SEMA5A: variants seen among roughly 807,000 people sequenced by gnomAD.
The protein encoded by SEMA5A is semaphorin 5A, also known as semaphorin-5A.
Under a neutral mutation model 135.5 loss-of-function variants are expected in SEMA5A, and 55 were observed. That is an observed-to-expected ratio of 0.41 (90% CI 0.33 to 0.51). The LOEUF (loss-of-function observed/expected upper bound fraction) is 0.51. Ranked by LOEUF, SEMA5A falls within the 20% of genes least tolerant of loss-of-function variation. The pLI, the probability that SEMA5A is intolerant of heterozygous loss-of-function variation, is 0.37. For missense variants in SEMA5A, 1,290 were observed against 1,419.9 expected, an observed-to-expected ratio of 0.91 and a Z score of 1.47; for synonymous variants, 580 against 546.5, an observed-to-expected ratio of 1.06 and a Z score of -0.85.
At chr5:9,344,096 A>G (rs1753761480) in intron 3 of SEMA5A, among the ~76,000 whole-genome samples, 1 of 152,212 alleles carries the variant, frequency 6.6e-6, no homozygotes, top group African/African-American at 2.4e-5. Flanking sequence ...AGAATAACCA[A>G]CATTTCTTAC....
chr5:9,195,924 C>A (rs1745361506), intron 10 of SEMA5A, among the ~76,000 whole-genome samples: 2 of 152,250 alleles, frequency 1.3e-5, no homozygotes, highest in African/African-American at 4.8e-5. Flanking sequence ...GATTTTGCAT[C>A]TGAGGACCGA....
At chr5:9,471,545 G>A (rs1472791339) in intron 1 of SEMA5A, among the ~76,000 whole-genome samples, 3 of 152,256 alleles carry the variant, frequency 2.0e-5, no homozygotes, top group Admixed American at 1.3e-4. Flanking sequence ...CTTGATTTAA[G>A]ACTAGAAATA....
chr5:9,429,032 T>C (rs1047518940), intron 2 of SEMA5A, among the ~76,000 whole-genome samples: 2 of 152,214 alleles, frequency 1.3e-5, no homozygotes, highest in Admixed American at 6.5e-5. Context: ...TAAATTGCCA[T>C]TGCAGGGATG....
At chr5:9,203,636 A>C (rs1276366026) in intron 8 of SEMA5A, among the ~76,000 whole-genome samples, 1 of 152,232 alleles carries the variant, frequency 6.6e-6, no homozygotes, top group East Asian at 1.9e-4. Flanking sequence ...TTTTAATTTA[A>C]TCCAACTTTA....
Position 9,269,466 on chromosome 5 carries a change from C to T in SEMA5A, c.271-31576G>A, listed in dbSNP as rs537648245. Among the ~76,000 whole-genome samples the T allele has an allele frequency of 6.6e-5, 10 of 152,200 alleles. No individual in the cohort carries two copies. In the East Asian group the frequency reaches 1.9e-3, roughly 29 times the overall value. Reference sequence around the variant, plus strand: ...GGCTTGGTTTTGATTAGCTATGCAACCTTGAGCAAATGGCCTCACCTGTCT... The same window carrying T: ...GGCTTGGTTTTGATTAGCTATGCAATCTTGAGCAAATGGCCTCACCTGTCT... On this transcript the variant is annotated intron_variant, in intron 5 of 22. Transcript: ENST00000382496.
intron 4 of SEMA5A, among the ~76,000 whole-genome samples, chr5:9,328,384 T>C (rs572970593): frequency 1.3e-5 from 2 of 152,344 alleles, no homozygotes; most frequent in East Asian, 3.9e-4. Context: ...GCAAATATGA[T>C]TATGTGAACA....
Position 9,437,302 on chromosome 5 carries a change from C to G in SEMA5A, c.-78+454G>C, listed in dbSNP as rs186100835. 6.6e-5 allele frequency among the ~76,000 whole-genome samples: 10 copies of G among 152,220 alleles called. No homozygotes were observed. In the East Asian group the frequency reaches 1.5e-3, roughly 23 times the overall value. ...CAATTGTTTTACTTGAAAGATTTCT[C>G]TATCTGAAAGCTTGCTCATTAACTC... On this transcript the variant is annotated intron_variant, in intron 2 of 22. Coordinates refer to ENST00000382496, the MANE Select transcript of SEMA5A (RefSeq NM_003966.3).
chr5:9,303,770 C>T (rs1443635145), intron 5 of SEMA5A, among the ~76,000 whole-genome samples: 3 of 152,030 alleles, frequency 2.0e-5, no homozygotes, highest in Non-Finnish European at 2.9e-5. Flanking sequence ...CATTAAAAAT[C>T]ACTTAATCAG....
intron 12 of SEMA5A, among the ~76,000 whole-genome samples, chr5:9,137,616 C>A (rs967527784): frequency 6.6e-6 from 1 of 152,112 alleles, no homozygotes; most frequent in African/African-American, 2.4e-5. Flanking sequence ...GAGACAATGC[C>A]AGCATGGAGG....
chr5:9,172,931 G>A (rs887901882), intron 11 of SEMA5A, among the ~76,000 whole-genome samples: 5 of 152,142 alleles, frequency 3.3e-5, no homozygotes, highest in Non-Finnish European at 7.4e-5. Context: ...TCTAAACAAT[G>A]CTTTAATCTC....
intron 16 of SEMA5A, among the ~76,000 whole-genome samples, chr5:9,068,400 G>T (rs956080861): frequency 3.9e-5 from 6 of 152,278 alleles, no homozygotes; most frequent in African/African-American, 1.2e-4. Flanking sequence ...TTGCCTGTCT[G>T]GATGCTGGAG....
intron 1 of SEMA5A, among the ~76,000 whole-genome samples, chr5:9,497,375 A>G (rs1229338486): frequency 6.6e-6 from 1 of 152,232 alleles, no homozygotes; most frequent in Non-Finnish European, 1.5e-5. Flanking sequence ...TTTCAAATAT[A>G]CAGTCCATAC....
rs1734806084 is a variant in SEMA5A, at chr5:9,487,800, A to C, written c.-174-49948T>G. Among the ~76,000 whole-genome samples the C allele has an allele frequency of 3.9e-5, 6 of 152,252 alleles. No individual in the cohort carries two copies. The South Asian group carries it at 1.2e-3, about 32-fold the overall frequency. On this transcript the variant is annotated intron_variant, in intron 1 of 22. Transcript: ENST00000382496. ...TTAGGTATTCTGTATTTTTCCTGTC[A>C]TTGTGAATGGATCACATTATGTTGT... is the stretch of plus-strand genomic sequence containing the variant.
intron 5 of SEMA5A, among the ~76,000 whole-genome samples, chr5:9,308,373 C>T (rs1034208671): frequency 3.3e-5 from 5 of 152,152 alleles, no homozygotes; most frequent in Admixed American, 3.3e-4. Context: ...TAAATCGCCA[C>T]AGCCCTTGCC....
In SEMA5A at chr5:9,061,162, C is replaced by T. The variant is rs556367687; in HGVS notation, c.2518+1725G>A. On this transcript the variant is annotated intron_variant, in intron 18 of 22. Transcript: ENST00000382496. Reference sequence around the variant, plus strand: ...GTAGCCAGTGGCCATACTGGGTTGACGCTGCTCCCAGGATGCACTCTCCCT... The same window carrying T: ...GTAGCCAGTGGCCATACTGGGTTGATGCTGCTCCCAGGATGCACTCTCCCT... Among the ~76,000 whole-genome samples, 5 of 152,064 alleles carry T rather than the reference C, an allele frequency of 3.3e-5. No homozygotes were observed. The South Asian group carries it at 8.3e-4, about 25-fold the overall frequency.
chr5:9,179,579 G>A (rs374098351), intron 11 of SEMA5A, among the ~76,000 whole-genome samples: 61 of 152,246 alleles, frequency 4.0e-4, no homozygotes, highest in African/African-American at 1.4e-3. Context: ...CAGAAAACAT[G>A]TTTAAAAGCT....
At chr5:9,357,640 A>G (rs966899278) in intron 3 of SEMA5A, among the ~76,000 whole-genome samples, 1 of 152,198 alleles carries the variant, frequency 6.6e-6, no homozygotes, top group African/African-American at 2.4e-5. Context: ...GAGTCTGTTA[A>G]AAGGATTAGA....
In SEMA5A at chr5:9,053,863, G is replaced by C. The variant is rs80148111; in HGVS notation, c.2689+224C>G. ...AGCCTTTAGCACTCTCCCATTGCTG[G>C]GCTAAAGGCTTTGAACACGAGTTCT... is the stretch of plus-strand genomic sequence containing the variant. On this transcript the variant is annotated intron_variant, in intron 19 of 22. Coordinates refer to ENST00000382496, the MANE Select transcript of SEMA5A (RefSeq NM_003966.3). 9.9e-3 allele frequency: 4,373 copies of C among 442,112 alleles called. 181 individuals are homozygous for C. The highest frequency in any genetic ancestry group is 0.08 in the African/African-American group (3,936 of 49,266). 27.4% of individuals were successfully genotyped at this position (442,112 alleles called of 1,614,324 possible).
At chr5:9,463,323 C>G (rs1046366778) in intron 1 of SEMA5A, among the ~76,000 whole-genome samples, 16 of 150,786 alleles carry the variant, frequency 1.1e-4, no homozygotes, top group African/African-American at 3.9e-4. Context: ...TCCTTTAGAT[C>G]TAGAAAAAAC....
Sources: gnomAD v4.1 joint callset for allele counts (sites outside exome capture counted in the v4.1 genomes callset) on GRCh38, gnomAD v4.1.1 for gene constraint, MANE v1.5 for transcripts, NCBI Gene and HGNC (gene_info 2026-07-23, HGNC 2026-07-21) for gene names.